The following CCL26 variants were observed in gnomAD, a reference collection of about 807,000 sequenced individuals.
The protein encoded by CCL26 is C-C motif chemokine 26.
In CCL26, 10 loss-of-function variants were observed where a neutral mutation model predicts 10.7. That is an observed-to-expected ratio of 0.93 (90% CI 0.57 to 1.58). CCL26 has a LOEUF of 1.58. Ranked by LOEUF, CCL26 falls within the 40% of genes most tolerant of loss-of-function variation. The pLI, the probability that CCL26 is intolerant of heterozygous loss-of-function variation, is 0.00. For missense variants in CCL26, 116 were observed against 111.0 expected, an observed-to-expected ratio of 1.05 and a Z score of -0.20; for synonymous variants, 43 against 41.4, an observed-to-expected ratio of 1.04 and a Z score of -0.15.
chr7:75,789,438 G>C (rs117711917), intron 1 of CCL26, among the ~76,000 whole-genome samples: 2,139 of 148,602 alleles, frequency 0.014, 37 homozygotes, highest in South Asian at 0.064. Flanking sequence ...CACTCTTCTG[G>C]GAACATCCAT....
At chr7:75,775,757 G>A (rs564390071), upstream of CCL26, among the ~76,000 whole-genome samples, 14 of 152,270 alleles carry the variant, frequency 9.2e-5, no homozygotes, top group East Asian at 3.9e-4. Context: ...GAAGGGATAC[G>A]GGGAGTTACC....
chr7:75,775,176 G>A (rs78136466), upstream of CCL26, among the ~76,000 whole-genome samples: 2 of 151,892 alleles, frequency 1.3e-5, no homozygotes, highest in African/African-American at 2.4e-5. Flanking sequence ...CTGAGATCAC[G>A]CCACTGCACT....
intron 2 of CCL26, among the ~76,000 whole-genome samples, chr7:75,770,779 G>A (rs1802803980): frequency 1.3e-5 from 2 of 151,522 alleles, no homozygotes; most frequent in African/African-American, 2.4e-5. Context: ...GGGTTCAAGC[G>A]ATTCTCCTGC....
In CCL26 at chr7:75,785,083, GT is replaced by G. The variant is rs1253379158; in HGVS notation, c.-79+4633del. 3.3e-5 allele frequency among the ~76,000 whole-genome samples: 5 copies of G among 152,094 alleles called. No homozygotes were observed. The East Asian group carries it at 9.6e-4, about 29-fold the overall frequency. On this transcript the variant is annotated intron_variant, in intron 1 of 3. Coordinates refer to the CCL26 transcript ENST00000394905. ...GGATCTGCACCTTATCAACCAAATTGTTTTGCCTATCCACCCCGTAGTGCCC... is the reference window on the plus strand; with the variant it reads ...GGATCTGCACCTTATCAACCAAATTGTTTGCCTATCCACCCCGTAGTGCCC...
upstream of CCL26, among the ~76,000 whole-genome samples, chr7:75,774,920 T>G: frequency 6.6e-6 from 1 of 150,756 alleles, no homozygotes; most frequent in Non-Finnish European, 1.5e-5. Context: ...ACTCTGTCTC[T>G]TTAAAAAAAG....
upstream of CCL26, among the ~76,000 whole-genome samples, chr7:75,790,933 C>A (rs1554530743): frequency 6.7e-6 from 1 of 149,970 alleles, no homozygotes; most frequent in African/African-American, 2.5e-5. Context: ...GATAGAGACT[C>A]CATTTCAAAA....
intron 1 of CCL26, among the ~76,000 whole-genome samples, chr7:75,785,541 A>G (rs1352176183): frequency 6.6e-6 from 1 of 152,172 alleles, no homozygotes; most frequent in Non-Finnish European, 1.5e-5. Context: ...TCATAAAAAC[A>G]CACGTGCTCT....
At chr7:75,784,914 T>C (rs1554529817) in intron 1 of CCL26, among the ~76,000 whole-genome samples, 1 of 152,108 alleles carries the variant, frequency 6.6e-6, no homozygotes, top group Non-Finnish European at 1.5e-5. Flanking sequence ...AACGGCAATA[T>C]CCCATCTCAC....
At chr7:75,782,780 A>T (rs1803093041) in intron 1 of CCL26, among the ~76,000 whole-genome samples, 1 of 152,090 alleles carries the variant, frequency 6.6e-6, no homozygotes, top group African/African-American at 2.4e-5. Flanking sequence ...TCTTTTACAC[A>T]TTAGTCCCTC....
intron 1 of CCL26, among the ~76,000 whole-genome samples, chr7:75,779,305 T>A (rs1161606890): frequency 6.6e-6 from 1 of 152,088 alleles, no homozygotes; most frequent in Non-Finnish European, 1.5e-5. Flanking sequence ...CGGACGCGAG[T>A]GGAATTTGGT....
chr7:75,783,274 C>T (rs1222928387), intron 1 of CCL26, among the ~76,000 whole-genome samples: 1 of 152,086 alleles, frequency 6.6e-6, no homozygotes, highest in African/African-American at 2.4e-5. Context: ...TAACTTCTAC[C>T]CTCTCCCCAG....
intron 1 of CCL26, among the ~76,000 whole-genome samples, chr7:75,784,489 T>C (rs1803137939): frequency 6.6e-6 from 1 of 152,216 alleles, no homozygotes; most frequent in African/African-American, 2.4e-5. Context: ...CGTCCCCTTC[T>C]TAATCAATAC....
At chr7:75,770,126 A>G (rs1451426314) in intron 2 of CCL26, among the ~76,000 whole-genome samples, 2 of 151,334 alleles carry the variant, frequency 1.3e-5, no homozygotes, top group South Asian at 2.1e-4. Context: ...TTGGAGTGCA[A>G]TGGCATGATC....
intron 1 of CCL26, among the ~76,000 whole-genome samples, chr7:75,786,748 T>G (rs1236070857): frequency 1.3e-5 from 2 of 152,178 alleles, no homozygotes; most frequent in Non-Finnish European, 2.9e-5. Flanking sequence ...CCACTGAAAC[T>G]TCCACCTATC....
At chr7:75,774,637 G>T (rs1402628464), upstream of CCL26, among the ~76,000 whole-genome samples, 1 of 149,378 alleles carries the variant, frequency 6.7e-6, no homozygotes, top group Admixed American at 6.7e-5. Flanking sequence ...GTAGAGACAG[G>T]GTTTCACTAT....
In CCL26 at chr7:75,771,955, G is replaced by C; in HGVS notation, c.122C>G (p.Pro41Arg). The C allele has an allele frequency of 6.2e-7, 1 of 1,614,144 alleles. No homozygotes were observed. Among genetic ancestry groups the C allele is most frequent in the Non-Finnish European group, 8.5e-7 (1 of 1,179,978 alleles). ...KTCCFQYSHK[P>R]LPWTWVRSYE... ...GCTTCGCACCCAGGTCCAGGGAAGG[G>C]GCTTGTGGCTGTATTGGAAGCAGCA... The change falls in exon 2 of 3, where the codon CCC becomes CGC. Residue 41 changes from proline to arginine, a missense_variant. By Grantham distance (103) the Pro-to-Arg change is moderately radical. Transcript: ENST00000005180.
At chr7:75,788,054 C>T (rs908322250) in intron 1 of CCL26, among the ~76,000 whole-genome samples, 2 of 152,068 alleles carry the variant, frequency 1.3e-5, no homozygotes, top group South Asian at 4.2e-4. Context: ...CGAAGCAGCC[C>T]TGAGAAATAT....
upstream of CCL26, among the ~76,000 whole-genome samples, chr7:75,790,789 C>T (rs1162300691): frequency 6.6e-6 from 1 of 151,756 alleles, no homozygotes; most frequent in Non-Finnish European, 1.5e-5. Flanking sequence ...ATTAAAAATA[C>T]AAAAATTAGC....
At chr7:75,778,669 C>G (rs1188444504) in intron 1 of CCL26, among the ~76,000 whole-genome samples, 1 of 150,744 alleles carries the variant, frequency 6.6e-6, no homozygotes, top group African/African-American at 2.4e-5. Context: ...CTCTGTTGCC[C>G]AGGCTGGAAT....
Sources: allele counts gnomAD v4.1 joint callset (sites outside exome capture counted in the v4.1 genomes callset), GRCh38; gene constraint gnomAD v4.1.1; transcripts MANE v1.5; gene names NCBI Gene and HGNC (gene_info 2026-07-23, HGNC 2026-07-21).